Variants in KIF26B observed in about 807,000 individuals in gnomAD.
KIF26B encodes kinesin-like protein KIF26B.
In KIF26B, 63 loss-of-function variants were observed where a neutral mutation model predicts 151.2. The observed-to-expected ratio is 0.42, with a 90% CI of 0.34 to 0.51. The LOEUF (loss-of-function observed/expected upper bound fraction) is 0.51. KIF26B is among the 20% of genes least tolerant of loss of function. The probability of loss-of-function intolerance (pLI) is 0.07; values close to 1 mark genes in which losing one functional copy is unlikely to be tolerated. For missense variants in KIF26B, 2,813 were observed against 2,913.6 expected, an observed-to-expected ratio of 0.97 and a Z score of 0.79; for synonymous variants, 1,357 against 1,262.1, an observed-to-expected ratio of 1.08 and a Z score of -1.59.
At chr1:245,607,578 C>T (rs900862129) in intron 6 of KIF26B, 73 bp from the exon 7 acceptor site, 5 of 1,245,808 alleles carry the variant, frequency 4.0e-6, no homozygotes, top group Non-Finnish European at 5.7e-6. Flanking sequence ...GGAAGGTGGG[C>T]TCACTTTCGT....
Position 245,704,811 on chromosome 1 carries a change from C to G in KIF26B, c.*2205C>G, listed in dbSNP as rs779290743. 6.6e-6 allele frequency: 1 copy of G among 152,206 alleles called. No individual in the cohort carries two copies. Among genetic ancestry groups the G allele is most frequent in the Non-Finnish European group, 1.5e-5 (1 of 68,038 alleles). 9.4% of individuals were successfully genotyped at this position (152,206 alleles called of 1,614,324 possible). On this transcript the variant is annotated 3_prime_UTR_variant, in exon 15 of 15. Transcript: ENST00000407071. ...TGGACCCAAAGGGAAGCCAATCCTT[C>G]GAGTTTGCCATTGGGCTGCTGGTTG... is the stretch of plus-strand genomic sequence containing the variant.
rs113989098 is a variant in KIF26B at position 245,365,523 on chromosome 1, C to G, written c.466-1311C>G. Among the ~76,000 whole-genome samples the G allele has an allele frequency of 1.3e-5, 2 of 151,008 alleles. 1 individual carries two copies. The highest frequency in any genetic ancestry group is 4.9e-5 in the African/African-American group (2 of 40,500). On this transcript the variant is annotated intron_variant, in intron 2 of 14. Coordinates refer to ENST00000407071, the MANE Select transcript of KIF26B (RefSeq NM_018012.4). ...TCACTGCCTCACAACTCCCCCCCACCAGCCTACAGCTCAGCAAACCGCCTT... is the reference window on the plus strand; with the variant it reads ...TCACTGCCTCACAACTCCCCCCCACGAGCCTACAGCTCAGCAAACCGCCTT...
intron 2 of KIF26B, among the ~76,000 whole-genome samples, chr1:245,175,407 G>A (rs188021127): frequency 2.0e-5 from 3 of 152,222 alleles, no homozygotes; most frequent in East Asian, 3.9e-4. Flanking sequence ...TGCTGTGAAC[G>A]TGATCATGAT....
intron 2 of KIF26B, among the ~76,000 whole-genome samples, chr1:245,262,383 G>A (rs1167534948): frequency 6.6e-6 from 1 of 152,126 alleles, no homozygotes; most frequent in Non-Finnish European, 1.5e-5. Flanking sequence ...CTACCTGTGC[G>A]TCACTTTTTA....
At chr1:245,228,153 C>T (rs1171044952) in intron 2 of KIF26B, among the ~76,000 whole-genome samples, 1 of 152,234 alleles carries the variant, frequency 6.6e-6, no homozygotes, top group Non-Finnish European at 1.5e-5. Context: ...CATCGGAAGC[C>T]TTCTCCATTC....
intron 2 of KIF26B, among the ~76,000 whole-genome samples, chr1:245,284,935 A>T (rs900719695): frequency 6.6e-6 from 1 of 152,222 alleles, no homozygotes; most frequent in Non-Finnish European, 1.5e-5. Context: ...GCTGCTCAGG[A>T]GGCTGAGGCA....
At position 245,214,800 on chromosome 1, in the gene KIF26B, G is replaced by T. The variant is rs566747784; in HGVS notation, c.465+58117G>T. Reference sequence around the variant, plus strand: ...GGTTGCAGTGAGCCGAGATTGTGCTGTTGCACTCCAGCCTGGGTTACAAGA... The same window carrying T: ...GGTTGCAGTGAGCCGAGATTGTGCTTTTGCACTCCAGCCTGGGTTACAAGA... On this transcript the variant is annotated intron_variant, in intron 2 of 14. Transcript: ENST00000407071. Among the ~76,000 whole-genome samples, 15 of 151,452 alleles carry T rather than the reference G, an allele frequency of 9.9e-5. No individual in the cohort carries two copies. In the South Asian group the frequency reaches 2.7e-3, roughly 27 times the overall value.
intron 4 of KIF26B, among the ~76,000 whole-genome samples, chr1:245,423,770 G>A (rs1768101): frequency 0.12 from 18,377 of 152,022 alleles, 1,393 homozygotes; most frequent in African/African-American, 0.21. Context: ...ATATAGCGTC[G>A]CTCTCATTCA....
chr1:245,625,730 A>G (rs2103167538), intron 9 of KIF26B, among the ~76,000 whole-genome samples: 1 of 152,032 alleles, frequency 6.6e-6, no homozygotes, highest in South Asian at 2.1e-4. Flanking sequence ...CTTTTATTTA[A>G]CTGTGTATTT....
intron 2 of KIF26B, among the ~76,000 whole-genome samples, chr1:245,277,546 A>G (rs1195637756): frequency 6.6e-6 from 1 of 151,996 alleles, no homozygotes; most frequent in African/African-American, 2.4e-5. Flanking sequence ...GTGGCTCCAG[A>G]CCCCTGGCCT....
intron 9 of KIF26B, chr1:245,614,712 A>G (rs1272683619): frequency 6.6e-6 from 1 of 152,272 alleles, no homozygotes; most frequent in Admixed American, 6.5e-5. Flanking sequence ...AGCTCTCTCG[A>G]CAGCCCATGA....
In KIF26B at chr1:245,511,803, C is replaced by T. The variant is rs531920807; in HGVS notation, c.1167-28964C>T. On this transcript the variant is annotated intron_variant, in intron 4 of 14. Coordinates refer to ENST00000407071, the MANE Select transcript of KIF26B (RefSeq NM_018012.4). The stretch of plus-strand genomic sequence containing the variant: ...TTTCCATCTTTCTGTGTGAGGGCTT[C>T]GTTTAAGCACTTCAATTCCTAAGTA... Among the ~76,000 whole-genome samples the T allele has an allele frequency of 2.6e-5, 4 of 152,210 alleles. No individual in the cohort carries two copies. The South Asian group carries it at 6.2e-4, about 24-fold the overall frequency.
intron 4 of KIF26B, among the ~76,000 whole-genome samples, chr1:245,439,131 T>C (rs1659002300): frequency 1.3e-5 from 2 of 151,998 alleles, no homozygotes; most frequent in Admixed American, 1.3e-4. Flanking sequence ...GAGGATCACT[T>C]GGGTCCAGGA....
intron 4 of KIF26B, among the ~76,000 whole-genome samples, chr1:245,453,230 A>C (rs1478433452): frequency 6.6e-6 from 1 of 152,096 alleles, no homozygotes; most frequent in East Asian, 1.9e-4. Flanking sequence ...TTTTTAAAAA[A>C]TCTCCCTGAA....
At chr1:245,250,457 G>A (rs367549161) in intron 2 of KIF26B, among the ~76,000 whole-genome samples, 1 of 152,158 alleles carries the variant, frequency 6.6e-6, no homozygotes, top group Non-Finnish European at 1.5e-5. Flanking sequence ...ACTGTTACAA[G>A]CGGTGCTATA....
At chr1:245,684,540 G>C (rs1426561373) in intron 11 of KIF26B, 145 bp downstream of exon 11, 12 of 860,814 alleles carry the variant, frequency 1.4e-5, no homozygotes, top group Middle Eastern at 3.2e-4. Flanking sequence ...CGTGGCTCAG[G>C]GTCCACTTTG....
chr1:245,177,468 G>T (rs558264297), intron 2 of KIF26B, among the ~76,000 whole-genome samples: 1 of 152,106 alleles, frequency 6.6e-6, no homozygotes, highest in Non-Finnish European at 1.5e-5. Context: ...GGGCATTTAC[G>T]GTGGCAGTGC....
intron 2 of KIF26B, among the ~76,000 whole-genome samples, chr1:245,303,948 A>T (rs1365926885): frequency 6.6e-6 from 1 of 152,220 alleles, no homozygotes; most frequent in African/African-American, 2.4e-5. Context: ...CCACAGAGTA[A>T]ATGTGATACT....
intron 2 of KIF26B, among the ~76,000 whole-genome samples, chr1:245,169,362 T>TGTGTGTGTGTGTGC (rs879260509): frequency 3.5e-4 from 53 of 151,090 alleles, no homozygotes; most frequent in South Asian, 1.3e-3. Context: ...TGTGTGTGTG[T>TGTGTGTGTGTGTGC]GCGCGCAAGC....
Sources: gnomAD v4.1 joint callset for allele counts (sites outside exome capture counted in the v4.1 genomes callset) on GRCh38, gnomAD v4.1.1 for gene constraint, MANE v1.5 for transcripts, NCBI Gene and HGNC (gene_info 2026-07-23, HGNC 2026-07-21) for gene names.